Variants in NTRK3 observed in about 807,000 individuals in gnomAD.
NTRK3 encodes the protein NT-3 growth factor receptor.
In NTRK3, 24 loss-of-function variants were observed where a neutral mutation model predicts 91.7. That is an observed-to-expected ratio of 0.26 (90% CI 0.19 to 0.37). NTRK3 has a LOEUF of 0.37. Among genes scored for constraint, NTRK3 ranks in the 10% least tolerant of loss-of-function variants. NTRK3 has a pLI of 1.00. For missense variants in NTRK3, 880 were observed against 1,068.9 expected, an observed-to-expected ratio of 0.82 and a Z score of 2.46; for synonymous variants, 483 against 404.0, an observed-to-expected ratio of 1.20 and a Z score of -2.34.
intron 3 of NTRK3, among the ~76,000 whole-genome samples, chr15:88,216,817 C>T (rs1463945079): frequency 6.6e-6 from 1 of 152,214 alleles, no homozygotes; most frequent in Non-Finnish European, 1.5e-5. Flanking sequence ...TCTTGAGGAA[C>T]TGATCTCACC....
At chr15:88,249,500 C>G (rs953613492) in intron 3 of NTRK3, among the ~76,000 whole-genome samples, 1 of 152,108 alleles carries the variant, frequency 6.6e-6, no homozygotes, top group Admixed American at 6.5e-5. Flanking sequence ...GAGAAGTCTT[C>G]GAGCGACCCA....
At chr15:87,896,275 A>T (rs2066116634) in intron 17 of NTRK3, among the ~76,000 whole-genome samples, 1 of 152,176 alleles carries the variant, frequency 6.6e-6, no homozygotes, top group African/African-American at 2.4e-5. Context: ...CATAGAGATC[A>T]TCCCGGCCAA....
chr15:88,201,561 A>G (rs2048309435), intron 3 of NTRK3, among the ~76,000 whole-genome samples: 2 of 152,192 alleles, frequency 1.3e-5, no homozygotes, highest in East Asian at 3.9e-4. Flanking sequence ...CACCTCGTAC[A>G]TGCTACAGGA....
chr15:87,871,707 A>T (rs540567392), exon 19 of NTRK3: 1 of 227,516 alleles, frequency 4.4e-6, no homozygotes, highest in African/African-American at 2.2e-5. Context: ...CAGATTTCTT[A>T]TCCCCAAGAA....
intron 3 of NTRK3, among the ~76,000 whole-genome samples, chr15:88,245,159 C>T (rs1394755045): frequency 6.6e-6 from 1 of 152,226 alleles, no homozygotes; most frequent in Non-Finnish European, 1.5e-5. Flanking sequence ...GCTTTGTCCA[C>T]ATGCTAGTTC....
intron 17 of NTRK3, among the ~76,000 whole-genome samples, chr15:87,893,857 T>G (rs539984846): frequency 6.6e-6 from 1 of 152,162 alleles, no homozygotes; most frequent in Admixed American, 6.5e-5. Flanking sequence ...CTGGAACCAA[T>G]GGAGGGATTC....
chr15:88,080,039 C>T (rs748241230), intron 13 of NTRK3, among the ~76,000 whole-genome samples: 4 of 152,116 alleles, frequency 2.6e-5, no homozygotes, highest in Non-Finnish European at 5.9e-5. Flanking sequence ...TGTTCTACAA[C>T]ATATTTTAAT....
intron 16 of NTRK3, among the ~76,000 whole-genome samples, chr15:87,932,504 C>A (rs926294676): frequency 3.3e-5 from 5 of 152,076 alleles, no homozygotes; most frequent in Admixed American, 2.6e-4. Flanking sequence ...AAAATCGGTC[C>A]CCTTTTTGTT....
exon 19 of NTRK3, chr15:87,862,521 A>C (rs1001815249): frequency 4.4e-6 from 1 of 227,132 alleles, no homozygotes; most frequent in African/African-American, 2.2e-5. Context: ...TTTATGATGA[A>C]ACCTGCAGTG....
chr15:88,073,458 G>A (rs1489560656), intron 13 of NTRK3, among the ~76,000 whole-genome samples: 1 of 152,178 alleles, frequency 6.6e-6, no homozygotes, highest in East Asian at 1.9e-4. Flanking sequence ...CCAGAGGCGG[G>A]TGTTGTCACA....
intron 14 of NTRK3, among the ~76,000 whole-genome samples, chr15:88,006,186 C>T (rs1348833995): frequency 6.6e-6 from 1 of 152,198 alleles, no homozygotes; most frequent in South Asian, 2.1e-4. Context: ...ATATTTCAGT[C>T]ATCCCCAAAA....
intron 5 of NTRK3, among the ~76,000 whole-genome samples, chr15:88,156,459 C>G (rs1390639233): frequency 6.6e-6 from 1 of 152,022 alleles, no homozygotes; most frequent in African/African-American, 2.4e-5. Context: ...CCACCTCCTT[C>G]CCCCATCCTT....
chr15:88,122,955 C>T (rs1488982636), intron 13 of NTRK3, among the ~76,000 whole-genome samples: 1 of 152,132 alleles, frequency 6.6e-6, no homozygotes, highest in Admixed American at 6.5e-5. Flanking sequence ...TGCCATAGGT[C>T]GCTCCTGGTC....
chr15:87,863,155 G>A lies in NTRK3; in HGVS notation c.*13780C>T, dbSNP rs553033310. 104 of 230,360 alleles carry A rather than the reference G, an allele frequency of 4.5e-4. 1 individual carries two copies. Among genetic ancestry groups the A allele is most frequent in the African/African-American group, 2.2e-3 (99 of 45,270 alleles). 14.3% of individuals were successfully genotyped at this position (230,360 alleles called of 1,614,324 possible). On this transcript the variant is annotated 3_prime_UTR_variant, in exon 19 of 19. Transcript: ENST00000394480. ...TCTACTTCTCTGAGCCAGGAGAGCTGGGAGTGTTACTCCAAACCCATTTGT... is the reference window on the plus strand; with the variant it reads ...TCTACTTCTCTGAGCCAGGAGAGCTAGGAGTGTTACTCCAAACCCATTTGT...
At chr15:87,974,794 T>C (rs1339790835) in intron 14 of NTRK3, among the ~76,000 whole-genome samples, 2 of 152,188 alleles carry the variant, frequency 1.3e-5, no homozygotes, top group African/African-American at 4.8e-5. Context: ...AAAATCACCC[T>C]GTCCCAAAAG....
chr15:88,136,657 C>A (rs376119811), intron 7 of NTRK3, 48 bp from the exon 8 acceptor site: 16 of 1,591,142 alleles, frequency 1.0e-5, no homozygotes, highest in Non-Finnish European at 1.3e-5. Context: ...CACTTACTAC[C>A]CAAAGGAAGC....
chr15:88,097,269 T>A (rs1371336537), intron 13 of NTRK3, among the ~76,000 whole-genome samples: 1 of 152,232 alleles, frequency 6.6e-6, no homozygotes, highest in South Asian at 2.1e-4. Context: ...AAGAGGTGTG[T>A]CAGAGAACAG....
rs532129608 is a variant in NTRK3, at chr15:87,885,105, T to G, written c.2134-4677A>C. Among the ~76,000 whole-genome samples the G allele has an allele frequency of 5.0e-4, 76 of 152,002 alleles. 3 individuals carry two copies. In the South Asian group the frequency reaches 0.01, roughly 21 times the overall value. On this transcript the variant is annotated intron_variant, in intron 17 of 18. Transcript: ENST00000394480. ...GAGAAACACACAAAAATCAAACTAT[T>G]CTCACATGCCGGTGGCAATGACTTC...
chr15:88,036,937 G>C (rs2079125921), intron 13 of NTRK3, among the ~76,000 whole-genome samples: 1 of 152,210 alleles, frequency 6.6e-6, no homozygotes, highest in African/African-American at 2.4e-5. Context: ...CTGTTTCTTT[G>C]AATCTGCTCA....
Sources: gnomAD v4.1 joint callset for allele counts (sites outside exome capture counted in the v4.1 genomes callset) on GRCh38, gnomAD v4.1.1 for gene constraint, MANE v1.5 for transcripts, NCBI Gene and HGNC (gene_info 2026-07-23, HGNC 2026-07-21) for gene names.